Variants in MYLK3 observed in about 807,000 individuals in gnomAD.
MYLK3 encodes the protein MLC kinase.
A neutral mutation model predicts 76.3 loss-of-function variants in MYLK3; 55 were observed. That is an observed-to-expected ratio of 0.72 (90% CI 0.58 to 0.90). The LOEUF (loss-of-function observed/expected upper bound fraction) is 0.90. Among genes scored for constraint, MYLK3 ranks in the 40% least tolerant of loss-of-function variants. The probability of loss-of-function intolerance (pLI) is 0.00; values close to 1 mark genes in which losing one functional copy is unlikely to be tolerated. For missense variants in MYLK3, 973 were observed against 1,053.6 expected (o/e 0.92, Z 1.06); for synonymous variants, 416 against 425.4 (o/e 0.98, Z 0.27).
chr16:46,740,856 A>G (rs1176923872), intron 1 of MYLK3, among the ~76,000 whole-genome samples: 1 of 152,160 alleles, frequency 6.6e-6, no homozygotes, highest in African/African-American at 2.4e-5. Context: ...CCGGCCAGAG[A>G]TGGAAAATAA....
At chr16:46,762,831 A>G (rs1967296961) in intron 1 of MYLK3, among the ~76,000 whole-genome samples, 1 of 152,236 alleles carries the variant, frequency 6.6e-6, no homozygotes, top group Non-Finnish European at 1.5e-5. Flanking sequence ...GTGGAAAACA[A>G]TTCTGAAGTC....
At chr16:46,743,191 G>C (rs1030778300) in intron 1 of MYLK3, among the ~76,000 whole-genome samples, 1 of 152,190 alleles carries the variant, frequency 6.6e-6, no homozygotes, top group Non-Finnish European at 1.5e-5. Flanking sequence ...AGGGATCATC[G>C]AATTCACTGC....
At position 46,730,534 on chromosome 16, in the gene MYLK3, C is replaced by G. The variant is rs1966850501; in HGVS notation, c.1568+59G>C. 2.1e-6 allele frequency: 3 copies of G among 1,457,058 alleles called. No homozygotes were observed. In the South Asian group the frequency reaches 3.4e-5, roughly 17 times the overall value. The allele number at this position is 1,457,058 out of a possible 1,614,324, so 90.3% of individuals were successfully genotyped here. On this transcript the variant is annotated intron_variant, in intron 5 of 12. Transcript: ENST00000394809. Reference sequence around the variant, plus strand: ...ACCCACCCCAGTTCTCCAGGTGGTCCCGACCCTGCCCCGTGACTCCTGCTC... The same window carrying G: ...ACCCACCCCAGTTCTCCAGGTGGTCGCGACCCTGCCCCGTGACTCCTGCTC...
chr16:46,728,192 G>A (rs1966846128), intron 7 of MYLK3, among the ~76,000 whole-genome samples: 2 of 152,050 alleles, frequency 1.3e-5, no homozygotes, highest in South Asian at 2.1e-4. Flanking sequence ...AAATATGAAC[G>A]GCCTCTGAGC....
At chr16:46,743,026 C>G (rs543174961) in intron 1 of MYLK3, among the ~76,000 whole-genome samples, 4 of 152,210 alleles carry the variant, frequency 2.6e-5, no homozygotes, top group Non-Finnish European at 5.9e-5. Context: ...CAGGCGCATG[C>G]GTACGCACCC....
rs2143011623 is a variant in MYLK3 at position 46,702,314 on chromosome 16, G to A, written c.*5390C>T. On this transcript the variant is annotated 3_prime_UTR_variant, in exon 13 of 13. Transcript: ENST00000394809. The stretch of plus-strand genomic sequence containing the variant: ...ACCGTTCTTCATGGTTTATTTAACT[G>A]ATTAAAAAGTTTTTTTGTCATGAAT... 6.6e-6 allele frequency among the ~76,000 whole-genome samples: 1 copy of A among 152,140 alleles called. No homozygotes were observed. Among genetic ancestry groups the A allele is most frequent in the South Asian group, 2.1e-4 (1 of 4,826 alleles).
chr16:46,735,463 C>G (rs1966864092), intron 3 of MYLK3, among the ~76,000 whole-genome samples: 1 of 152,292 alleles, frequency 6.6e-6, no homozygotes, highest in Non-Finnish European at 1.5e-5. Context: ...GCCTCGGCCT[C>G]CCAAAGTGCT....
Position 46,732,421 on chromosome 16 carries a change from C to T in MYLK3, c.1249G>A (p.Glu417Lys), listed in dbSNP as rs779509518. 1 of 1,613,430 alleles carries T rather than the reference C, an allele frequency of 6.2e-7. No individual in the cohort carries two copies. Among genetic ancestry groups the T allele is most frequent in the Non-Finnish European group, 8.5e-7 (1 of 1,180,026 alleles). Residue 417 changes from glutamate (E) to lysine (K), a missense_variant, in exon 4 of 13, where the codon GAG becomes AAG. Transcript: ENST00000394809. ...SSPGGVKAEE[E>K]QRAGAEPGTR... is the part of the protein sequence containing the mutation. Reference sequence around the variant, plus strand: ...CCAGGCTCGGCCCCAGCCCTTTGCTCCTCCTCTGCCTTCACTCCCCCGGGG... The same window carrying T: ...CCAGGCTCGGCCCCAGCCCTTTGCTTCTCCTCTGCCTTCACTCCCCCGGGG...
chr16:46,736,504 G>A (rs1280062511), intron 3 of MYLK3, among the ~76,000 whole-genome samples: 1 of 152,200 alleles, frequency 6.6e-6, no homozygotes, highest in Non-Finnish European at 1.5e-5. Flanking sequence ...TTTCTTCTCT[G>A]TCAGAATCTT....
intron 1 of MYLK3, among the ~76,000 whole-genome samples, chr16:46,746,941 G>A (rs1967036518): frequency 6.6e-6 from 1 of 152,188 alleles, no homozygotes; most frequent in African/African-American, 2.4e-5. Context: ...ACAGAGTCAA[G>A]CACGGACCCC....
At position 46,732,557 on chromosome 16, in the gene MYLK3, G is replaced by A; in HGVS notation, c.1113C>T (p.Gly371=). The part of the protein sequence containing the change: ...TTEAPAAAQP[G]KQGPPGTGRC... ...GCCCGGTCCCAGGTGGGCCCTGCTT[G>A]CCTGGCTGGGCAGCTGCTGGAGCCT... The change falls in exon 4 of 13, where the codon GGC becomes GGT. Residue 371 remains glycine (G), a synonymous_variant. Coordinates refer to ENST00000394809, the MANE Select transcript of MYLK3 (RefSeq NM_182493.3). 6.2e-7 allele frequency: 1 copy of A among 1,600,622 alleles called. No individual in the cohort carries two copies.
In MYLK3 at chr16:46,716,299, GGGATAGATAGAT is replaced by G. The variant is rs1269274544; in HGVS notation, c.1986-3535_1986-3524del. ...AATGGATTGGGCACTGTAGTGTTAT[GGGATAGATAGAT>G]GGATAGATAGATAGACAGATAGATG... On this transcript the variant is annotated intron_variant, in intron 9 of 12. Coordinates refer to ENST00000394809, the MANE Select transcript of MYLK3 (RefSeq NM_182493.3). Among the ~76,000 whole-genome samples, 8 of 152,012 alleles carry G rather than the reference GGGATAGATAGAT, an allele frequency of 5.3e-5. No individual in the cohort carries two copies. In the East Asian group the frequency reaches 9.6e-4, roughly 18 times the overall value.
At position 46,729,077 on chromosome 16, in the gene MYLK3, G is replaced by A; in HGVS notation, c.1719C>T (p.Ile573=). The A allele has an allele frequency of 6.2e-7, 1 of 1,614,168 alleles. No homozygotes were observed. The highest frequency in any genetic ancestry group is 1.1e-5 in the South Asian group (1 of 91,084). The stretch of plus-strand genomic sequence containing the variant: ...TGCTCTCGAAGGCGTCATAGAGCTG[G>A]ATCAGGTTCACGTGGCTGAGCTGGT... ...IMNQLSHVNL[I]QLYDAFESKH... The change falls in exon 7 of 13, where the codon ATC becomes ATT. Residue 573 remains isoleucine, a synonymous_variant. Transcript: ENST00000394809.
upstream of MYLK3, chr16:46,748,422 G>A (rs985045760): frequency 1.1e-4 from 82 of 744,746 alleles, no homozygotes; most frequent in African/African-American, 1.4e-3. This position sits in a 1 kb window ranked among gnomAD's most constrained non-coding sequence, Gnocchi z 4.3. Context: ...GTGAGTGACA[G>A]GCCGAGGTCA....
chr16:46,718,839 G>A (rs1363848526), intron 9 of MYLK3, among the ~76,000 whole-genome samples: 4 of 151,626 alleles, frequency 2.6e-5, no homozygotes, highest in Non-Finnish European at 5.9e-5. Flanking sequence ...GGTGGCAGGC[G>A]CCTGCAGTTC....
chr16:46,709,674 G>T lies in MYLK3; in HGVS notation c.2268-3C>A. ...ACTGTGTGGCACTCATTCTGCAGCT[G>T]TGAAATCAAAGAGCAGTTAAGACTT... On this transcript the variant is annotated splice_region_variant and splice_polypyrimidine_tract_variant and intron_variant, in intron 11 of 12. Coordinates refer to ENST00000394809, the MANE Select transcript of MYLK3 (RefSeq NM_182493.3). 6.2e-7 allele frequency: 1 copy of T among 1,608,892 alleles called. No homozygotes were observed. The highest frequency in any genetic ancestry group is 8.5e-7 in the Non-Finnish European group (1 of 1,178,798).
intron 3 of MYLK3, among the ~76,000 whole-genome samples, chr16:46,736,438 G>A (rs1368661129): frequency 6.6e-6 from 1 of 152,224 alleles, no homozygotes; most frequent in South Asian, 2.1e-4. Context: ...TCCTGAGGCC[G>A]CTGCAGGTCT....
chr16:46,716,497 ATGTGTG>A (rs869246629), intron 9 of MYLK3, among the ~76,000 whole-genome samples: 13 of 21,594 alleles, frequency 6.0e-4, no homozygotes, highest in Non-Finnish European at 2.1e-3. Flanking sequence ...GTGTATATAT[ATGTGTG>A]TGTGTGTGTG....
chr16:46,742,839 C>T (rs913499744), intron 1 of MYLK3, among the ~76,000 whole-genome samples: 39 of 152,348 alleles, frequency 2.6e-4, no homozygotes, highest in African/African-American at 8.9e-4. Flanking sequence ...CGGCAGACAG[C>T]TCCCCCTTAT....
Sources: gnomAD v4.1 joint callset for allele counts (sites outside exome capture counted in the v4.1 genomes callset) on GRCh38, gnomAD v4.1.1 for gene constraint, Gnocchi (gnomAD v3.1) non-coding constraint, MANE v1.5 for transcripts, NCBI Gene and HGNC (gene_info 2026-07-23, HGNC 2026-07-21) for gene names.